The following TOX3 variants were observed in gnomAD, a reference collection of about 807,000 sequenced individuals.
TOX3 encodes the protein TOX high mobility group box family member 3.
Under a neutral mutation model 64.3 loss-of-function variants are expected in TOX3, and 22 were observed. That is an observed-to-expected ratio of 0.34 (90% confidence interval 0.24 to 0.49). The LOEUF (loss-of-function observed/expected upper bound fraction) is 0.49. TOX3 is among the 20% of genes least tolerant of loss of function. The pLI, the probability that TOX3 is intolerant of heterozygous loss-of-function variation, is 0.99. For missense variants in TOX3, 661 were observed against 714.4 expected (o/e 0.93, Z 0.85); for synonymous variants, 291 against 273.6 (o/e 1.06, Z -0.63).
intron 1 of TOX3, among the ~76,000 whole-genome samples, chr16:52,536,212 T>C (rs1193885952): frequency 6.6e-6 from 1 of 152,092 alleles, no homozygotes; most frequent in East Asian, 1.9e-4. Context: ...AAATGAATAA[T>C]CAAGAAATTC....
At chr16:52,496,056 A>G (rs1303035971) in intron 1 of TOX3, among the ~76,000 whole-genome samples, 1 of 152,218 alleles carries the variant, frequency 6.6e-6, no homozygotes, top group East Asian at 1.9e-4. Context: ...TTCCTAACTA[A>G]AGACTTAAAA....
At chr16:52,498,337 CAAAT>C (rs3086687) in intron 1 of TOX3, among the ~76,000 whole-genome samples, 19,246 of 152,156 alleles carry the variant, frequency 0.13, 1,264 homozygotes, top group Middle Eastern at 0.2. Context: ...ATACATCAAA[CAAAT>C]GTTATATAAG....
At chr16:52,541,655 A>G (rs2151491360) in intron 1 of TOX3, among the ~76,000 whole-genome samples, 1 of 152,344 alleles carries the variant, frequency 6.6e-6, no homozygotes, top group Middle Eastern at 3.4e-3. Context: ...CATGAAGTAG[A>G]TTCCTTGAAA....
intron 1 of TOX3, among the ~76,000 whole-genome samples, chr16:52,525,706 C>T (rs1012648818): frequency 6.6e-6 from 1 of 152,208 alleles, no homozygotes; most frequent in Non-Finnish European, 1.5e-5. Flanking sequence ...CACACACACA[C>T]ACGCACACCA....
chr16:52,447,010 T>C (rs893157122), intron 4 of TOX3, among the ~76,000 whole-genome samples: 2 of 152,124 alleles, frequency 1.3e-5, no homozygotes, highest in Admixed American at 6.5e-5. Context: ...ACAAGAATAC[T>C]CCATAGAGAC....
At chr16:52,512,254 T>C (rs777463039) in intron 1 of TOX3, among the ~76,000 whole-genome samples, 1 of 152,240 alleles carries the variant, frequency 6.6e-6, no homozygotes, top group Non-Finnish European at 1.5e-5. Context: ...GATTTTGTTT[T>C]ACCTGAATCA....
chr16:52,439,517 T>G lies in TOX3; in HGVS notation c.1439A>C (p.Gln480Pro), dbSNP rs1238197095. The G allele has an allele frequency of 1.4e-6, 2 of 1,418,838 alleles. No homozygotes were observed. Among genetic ancestry groups the G allele is most frequent in the Non-Finnish European group, 1.9e-6 (2 of 1,025,874 alleles). The allele number at this position is 1,418,838 out of a possible 1,614,324, so 87.9% of individuals were successfully genotyped here. Residue 480 changes from glutamine (Q) to proline (P), a missense_variant, in exon 7 of 7, where the codon CAG becomes CCG. Coordinates refer to ENST00000219746, the MANE Select transcript of TOX3 (RefSeq NM_001080430.4). ...HQQIQQQMQQQHFQHHMQQHL... is the reference protein window; with the variant it reads ...HQQIQQQMQQPHFQHHMQQHL... ...CTGCTGCATGTGGTGCTGGAAATGC[T>G]GCTGCTGCATCTGCTGCTGGATTTG...
intron 3 of TOX3, among the ~76,000 whole-genome samples, chr16:52,461,039 GT>G (rs2151753486): frequency 6.6e-6 from 1 of 152,176 alleles, no homozygotes; most frequent in African/African-American, 2.4e-5. Context: ...TGAAATTGAT[GT>G]ACTACTGATG....
At chr16:52,544,296 C>T (rs1396552214) in intron 1 of TOX3, among the ~76,000 whole-genome samples, 3 of 152,194 alleles carry the variant, frequency 2.0e-5, no homozygotes, top group Non-Finnish European at 4.4e-5. Flanking sequence ...GCACTTGCTG[C>T]TTTATACCCA....
At chr16:52,475,607 T>A (rs1180516045) in intron 1 of TOX3, 2 of 152,156 alleles carry the variant, frequency 1.3e-5, no homozygotes, top group African/African-American at 2.4e-5. Flanking sequence ...CAAACTGCAA[T>A]GAACAACACA....
In TOX3 at chr16:52,490,626, A is replaced by ATTTTTTTTTTTTTTT. The variant is rs3086679; in HGVS notation, c.88-22067_88-22053dup. 7.0e-4 allele frequency among the ~76,000 whole-genome samples: 69 copies of ATTTTTTTTTTTTTTT among 99,046 alleles called. 6 individuals are homozygous for ATTTTTTTTTTTTTTT. The East Asian group carries it at 7.1e-3, about 10-fold the overall frequency. The allele number at this position is 99,046 out of a possible 152,430, so 65.0% of individuals were successfully genotyped here. A position where few individuals can be genotyped will look rare whatever the true frequency, so the allele number is the denominator to read the frequency against. On this transcript the variant is annotated intron_variant, in intron 1 of 6. Transcript: ENST00000219746. ...ACTGAGACCTTCCTTCTAGGATGTA[A>ATTTTTTTTTTTTTTT]TTTTTTTTTTTTTTTTTTTTTAATA...
At chr16:52,444,226 T>C in intron 6 of TOX3, 50 bp downstream of exon 6, 1 of 1,432,492 alleles carries the variant, frequency 7.0e-7, no homozygotes. Context: ...TGAGGGCTGT[T>C]TTCCACGCTG....
rs569513275 is a variant in TOX3, at chr16:52,438,927, G to A, written c.*298C>T. 1 of 562,900 alleles carries A rather than the reference G, an allele frequency of 1.8e-6. No homozygotes were observed. Among genetic ancestry groups the A allele is most frequent in the Admixed American group, 1.9e-5 (1 of 52,762 alleles). The allele number at this position is 562,900 out of a possible 1,614,324, so 34.9% of individuals were successfully genotyped here. A position where few individuals can be genotyped will look rare whatever the true frequency, so the allele number is the denominator to read the frequency against. On this transcript the variant is annotated 3_prime_UTR_variant, in exon 7 of 7. Transcript: ENST00000219746. ...GTTTATAGTCATCAGTATGTCCCAG[G>A]ATTCATTAAACAGTTTGATTCACAT...
At chr16:52,467,830 C>T (rs1302931348) in intron 2 of TOX3, among the ~76,000 whole-genome samples, 2 of 152,172 alleles carry the variant, frequency 1.3e-5, no homozygotes, top group African/African-American at 2.4e-5. Flanking sequence ...GTTTCATCTG[C>T]ACCCGTAAAC....
At chr16:52,448,538 A>AG (rs1290787838) in intron 4 of TOX3, among the ~76,000 whole-genome samples, 1 of 152,172 alleles carries the variant, frequency 6.6e-6, no homozygotes, top group African/African-American at 2.4e-5. Context: ...GAAGACTGTC[A>AG]GTGTATTTAC....
chr16:52,469,029 G>T (rs1485253129), intron 1 of TOX3, among the ~76,000 whole-genome samples: 1 of 152,146 alleles, frequency 6.6e-6, no homozygotes, highest in South Asian at 2.1e-4. Flanking sequence ...TCAATTCCCA[G>T]GACTCAAATT....
intron 3 of TOX3, among the ~76,000 whole-genome samples, chr16:52,455,534 A>G (rs1009084761): frequency 1.6e-4 from 25 of 152,238 alleles, no homozygotes; most frequent in Non-Finnish European, 3.1e-4. Flanking sequence ...TTTCCTAAAA[A>G]TAGAAAGCAT....
chr16:52,518,970 T>C (rs756667044), intron 1 of TOX3, among the ~76,000 whole-genome samples: 27 of 152,198 alleles, frequency 1.8e-4, no homozygotes, highest in Admixed American at 8.5e-4. Flanking sequence ...CCAATGGCAA[T>C]GATTAATGAG....
At chr16:52,486,139 C>A (rs1048944616) in intron 1 of TOX3, among the ~76,000 whole-genome samples, 15 of 151,980 alleles carry the variant, frequency 9.9e-5, no homozygotes, top group African/African-American at 3.6e-4. Context: ...ATGAATGAGG[C>A]CCCCCGTAGT....
Sources: gnomAD v4.1 joint callset for allele counts (sites outside exome capture counted in the v4.1 genomes callset) on GRCh38, gnomAD v4.1.1 for gene constraint, MANE v1.5 for transcripts, NCBI Gene and HGNC (gene_info 2026-07-23, HGNC 2026-07-21) for gene names.